The following DLGAP4 variants were observed in gnomAD, a reference collection of about 807,000 sequenced individuals.
DLGAP4 encodes the protein disks large-associated protein 4.
A neutral mutation model predicts 86.9 loss-of-function variants in DLGAP4; 18 were observed. The observed-to-expected ratio is 0.21, with a 90% CI of 0.14 to 0.31. DLGAP4 has a LOEUF of 0.31. DLGAP4 is among the 10% of genes least tolerant of loss of function. The pLI is 1.00. For synonymous variants in DLGAP4, 548 were observed against 574.3 expected, an observed-to-expected ratio of 0.95 and a Z score of 0.65; for missense variants, 1,085 against 1,362.6, an observed-to-expected ratio of 0.80 and a Z score of 3.21.
intron 7 of DLGAP4, among the ~76,000 whole-genome samples, chr20:36,449,700 C>T (rs564778165): frequency 6.6e-6 from 1 of 152,344 alleles, no homozygotes; most frequent in African/African-American, 2.4e-5. Context: ...TAGCAATTCT[C>T]TTCAAATAAA....
At chr20:36,330,310 G>T (rs1043895416) in intron 1 of DLGAP4, among the ~76,000 whole-genome samples, 1 of 152,148 alleles carries the variant, frequency 6.6e-6, no homozygotes, top group African/African-American at 2.4e-5. Flanking sequence ...TCGTGGTGGG[G>T]GCGGCAGGAC....
intron 1 of DLGAP4, among the ~76,000 whole-genome samples, chr20:36,321,695 G>A (rs2065170252): frequency 6.6e-6 from 1 of 152,194 alleles, no homozygotes; most frequent in Admixed American, 6.5e-5. Flanking sequence ...AGGCAGAGTT[G>A]GGAGAACGAG....
chr20:36,483,437 T>C (rs2035275992), intron 7 of DLGAP4, among the ~76,000 whole-genome samples: 2 of 152,284 alleles, frequency 1.3e-5, no homozygotes, highest in Admixed American at 6.5e-5. Context: ...GGGTCCCTGC[T>C]CTGCTGCCAG....
intron 2 of DLGAP4, among the ~76,000 whole-genome samples, chr20:36,385,640 G>T (rs1167636964): frequency 6.6e-6 from 1 of 152,198 alleles, no homozygotes; most frequent in African/African-American, 2.4e-5. Flanking sequence ...CCTTGTGGGG[G>T]GTCAGTGGCC....
chr20:36,355,577 G>A (rs1229249187), intron 1 of DLGAP4, among the ~76,000 whole-genome samples: 5 of 152,208 alleles, frequency 3.3e-5, no homozygotes, highest in African/African-American at 7.2e-5. Flanking sequence ...GATTACAGGC[G>A]TCAGCCACTG....
rs930246867 is a variant in DLGAP4 at position 36,437,555 on chromosome 20, G to C, written c.1241+1205G>C. Among the ~76,000 whole-genome samples, 5 of 152,240 alleles carry C rather than the reference G, an allele frequency of 3.3e-5. No individual in the cohort carries two copies. In the East Asian group the frequency reaches 9.6e-4, roughly 29 times the overall value. On this transcript the variant is annotated intron_variant, in intron 4 of 12. Transcript: ENST00000339266. ...GAGGGAGGTGAATCCAGAAGCCAAA[G>C]AGTGATAGACAGACTTTTCCTGTCC...
Position 36,436,348 on chromosome 20 carries a change from C to G in DLGAP4, c.1239C>G (p.Arg413=), listed in dbSNP as rs1180064180. Residue 413 remains arginine, a splice_region_variant and synonymous_variant, in exon 4 of 13, where the codon CGC becomes CGG. Transcript: ENST00000339266. ...CGCTGGGAGAGCAGAGCAACCCCCG[C>G]AGGTAGGCGCGCAGCTCCACCCTTA... ...QQSLGEQSNP[R]RSLDRLDSVD... The G allele has an allele frequency of 1.3e-6, 2 of 1,591,526 alleles. No individual in the cohort carries two copies. The highest frequency in any genetic ancestry group is 1.7e-6 in the Non-Finnish European group (2 of 1,172,718).
At chr20:36,333,209 C>G (rs1186848058) in intron 1 of DLGAP4, among the ~76,000 whole-genome samples, 1 of 152,096 alleles carries the variant, frequency 6.6e-6, no homozygotes, top group Non-Finnish European at 1.5e-5. Flanking sequence ...AGGATGGGGA[C>G]AGGGTTCAGA....
chr20:36,498,238 C>T (rs1773256850), intron 8 of DLGAP4: 1 of 152,290 alleles, frequency 6.6e-6, no homozygotes, highest in South Asian at 2.1e-4. Context: ...GCTTCCACTT[C>T]CCCATGTATA....
In DLGAP4 at chr20:36,306,666, A is replaced by C. The variant is rs542022091; in HGVS notation, c.-304+154A>C. On this transcript the variant is annotated intron_variant, in intron 1 of 12. Coordinates refer to ENST00000339266, the MANE Select transcript of DLGAP4 (RefSeq NM_001365621.2). The surrounding 1 kb of genome is among the most constrained non-coding windows in gnomAD (Gnocchi z 4.9). ...GCGCAGAAAAGCCCCCTCCCCTGCC[A>C]GTTCTGTCTTCCGATCCCGGGTCCG... Among the ~76,000 whole-genome samples, 6 of 151,536 alleles carry C rather than the reference A, an allele frequency of 4.0e-5. No individual in the cohort carries two copies. The highest frequency in any genetic ancestry group is 1.2e-4 in the African/African-American group (5 of 41,262).
chr20:36,499,204 G>A (rs747356906), intron 8 of DLGAP4: 11 of 1,555,950 alleles, frequency 7.1e-6, no homozygotes, highest in East Asian at 6.7e-5. Flanking sequence ...TTTCTCTTTC[G>A]TCGTCCTTTT....
chr20:36,318,532 C>T (rs992620409), intron 1 of DLGAP4, among the ~76,000 whole-genome samples: 11 of 152,182 alleles, frequency 7.2e-5, no homozygotes, highest in African/African-American at 2.7e-4. Flanking sequence ...ACCACTGGAC[C>T]TGGCTAATTT....
intron 1 of DLGAP4, among the ~76,000 whole-genome samples, chr20:36,315,847 T>C (rs1326220368): frequency 6.6e-6 from 1 of 152,166 alleles, no homozygotes; most frequent in Non-Finnish European, 1.5e-5. Flanking sequence ...CTGCTGAGGC[T>C]AAGGCCAGAG....
At chr20:36,430,076 C>G (rs2033087211) in intron 2 of DLGAP4, among the ~76,000 whole-genome samples, 2 of 152,354 alleles carry the variant, frequency 1.3e-5, no homozygotes, top group Admixed American at 6.5e-5. Flanking sequence ...GCCAACCTCT[C>G]TGCTCCATGG....
intron 10 of DLGAP4, among the ~76,000 whole-genome samples, chr20:36,503,101 A>G (rs2036213015): frequency 6.6e-6 from 1 of 152,132 alleles, no homozygotes. Context: ...TCTGTCAGTT[A>G]GTTGCTGTAC....
intron 7 of DLGAP4, chr20:36,461,575 C>T: frequency 1.0e-6 from 1 of 962,454 alleles, no homozygotes; most frequent in Non-Finnish European, 1.2e-6. Flanking sequence ...TCCACGTCGT[C>T]GCTGCCGCCT....
chr20:36,372,403 C>T (rs1193215477), intron 2 of DLGAP4, among the ~76,000 whole-genome samples: 1 of 152,154 alleles, frequency 6.6e-6, no homozygotes, highest in East Asian at 1.9e-4. Context: ...CTCAGGTCAG[C>T]ACCAACCCAC....
At chr20:36,488,385 GT>G (rs1391063860) in intron 7 of DLGAP4, among the ~76,000 whole-genome samples, 1 of 151,972 alleles carries the variant, frequency 6.6e-6, no homozygotes, top group Non-Finnish European at 1.5e-5. Context: ...CTTCATACTG[GT>G]TTTGAGGATT....
intron 1 of DLGAP4, among the ~76,000 whole-genome samples, chr20:36,348,238 G>T (rs1488084095): frequency 6.6e-6 from 1 of 152,228 alleles, no homozygotes; most frequent in Non-Finnish European, 1.5e-5. Context: ...GAGGAGATAT[G>T]GGGGGACAAT....
Sources: gnomAD v4.1 joint callset for allele counts (sites outside exome capture counted in the v4.1 genomes callset) on GRCh38, gnomAD v4.1.1 for gene constraint, Gnocchi (gnomAD v3.1) non-coding constraint, MANE v1.5 for transcripts, NCBI Gene and HGNC (gene_info 2026-07-23, HGNC 2026-07-21) for gene names.